Variants in OR2A12 observed in about 807,000 individuals in gnomAD.
OR2A12 encodes olfactory receptor 2A12.
For missense variants in OR2A12, 380 were observed against 372.5 expected, an observed-to-expected ratio of 1.02 and a Z score of -0.17; for synonymous variants, 153 against 149.3, an observed-to-expected ratio of 1.02 and a Z score of -0.18.
chr7:144,098,138 A>G lies in OR2A12; in HGVS notation c.*2098A>G, dbSNP rs965695491. 2 of 152,166 alleles carry G rather than the reference A, an allele frequency of 1.3e-5. No individual in the cohort carries two copies. The highest frequency in any genetic ancestry group is 6.6e-5 in the Admixed American group (1 of 15,264). 9.4% of individuals were successfully genotyped at this position (152,166 alleles called of 1,614,324 possible). A position where few individuals can be genotyped will look rare whatever the true frequency, so the allele number is the denominator to read the frequency against. Reference sequence around the variant, plus strand: ...ACCAGCATATTTCAGAGTCTCATGCATTGTCTTGACTAGGTGACTTTCAAT... The same window carrying G: ...ACCAGCATATTTCAGAGTCTCATGCGTTGTCTTGACTAGGTGACTTTCAAT... On this transcript the variant is annotated 3_prime_UTR_variant, in exon 2 of 2. Coordinates refer to ENST00000641592, the MANE Select transcript of OR2A12 (RefSeq NM_001004135.2).
chr7:144,095,966 C>T lies in OR2A12; in HGVS notation c.859C>T (p.Leu287Phe), dbSNP rs199506071. 1.1e-4 allele frequency: 176 copies of T among 1,613,976 alleles called. 4 individuals carry two copies. The South Asian group carries it at 1.7e-3, about 16-fold the overall frequency. ...CCTTTTCAACCCGATCCTGAACCCC[C>T]TCATCTACAGCCTTAGGAATGCAGA... ...YSLFNPILNP[L>F]IYSLRNAEVK... is the part of the protein sequence containing the mutation. The change falls in exon 2 of 2, where the codon CTC becomes TTC. Residue 287 changes from leucine to phenylalanine, a missense_variant. Transcript: ENST00000641592.
chr7:144,094,425 C>T, intron 1 of OR2A12, among the ~76,000 whole-genome samples: 1 of 152,198 alleles, frequency 6.6e-6, no homozygotes, highest in East Asian at 1.9e-4. Context: ...TACCACATCT[C>T]ACAACAACTT....
intron 1 of OR2A12, among the ~76,000 whole-genome samples, chr7:144,091,233 A>G (rs996223781): frequency 1.3e-5 from 2 of 152,186 alleles, no homozygotes; most frequent in Non-Finnish European, 2.9e-5. Context: ...TCTACTAAAA[A>G]TACAAAAATT....
Position 144,095,433 on chromosome 7 carries a change from CAGAGT to C in OR2A12, c.327_331del (p.Glu110SerfsTer9). ...TTTTTGTATTTGGCGTTTGCTATTA[CAGAGT>C]GTCTGATTTTGGTGATGATGTGCTA... On this transcript the variant is annotated frameshift_variant, in exon 2 of 2. Coordinates refer to ENST00000641592, the MANE Select transcript of OR2A12 (RefSeq NM_001004135.2). LOFTEE classifies it low-confidence loss of function (END_TRUNC). 3.7e-6 allele frequency: 6 copies of C among 1,614,012 alleles called. No individual in the cohort carries two copies. The highest frequency in any genetic ancestry group is 5.1e-6 in the Non-Finnish European group (6 of 1,179,892).
chr7:144,090,315 A>T (rs538923265), intron 1 of OR2A12, among the ~76,000 whole-genome samples: 1 of 151,946 alleles, frequency 6.6e-6, no homozygotes, highest in Non-Finnish European at 1.5e-5. Flanking sequence ...CAAAAAGGTT[A>T]TGAAACAAAA....
intron 1 of OR2A12, among the ~76,000 whole-genome samples, chr7:144,094,002 T>C (rs1166333373): frequency 6.6e-6 from 1 of 152,170 alleles, no homozygotes; most frequent in Non-Finnish European, 1.5e-5. Flanking sequence ...GAGATACTGT[T>C]GTTCTATACA....
At position 144,096,221 on chromosome 7, in the gene OR2A12, G is replaced by A. The variant is rs1012673144; in HGVS notation, c.*181G>A. 1.4e-5 allele frequency: 7 copies of A among 504,318 alleles called. No homozygotes were observed. The highest frequency in any genetic ancestry group is 2.1e-5 in the Non-Finnish European group (6 of 288,264). 31.2% of individuals were successfully genotyped at this position (504,318 alleles called of 1,614,324 possible). On this transcript the variant is annotated 3_prime_UTR_variant, in exon 2 of 2. Coordinates refer to ENST00000641592, the MANE Select transcript of OR2A12 (RefSeq NM_001004135.2). Reference sequence around the variant, plus strand: ...TGTAATCCCAACACTTTGGGAGGCTGACCTGGGCGGATTACCTGAGGTCAG... The same window carrying A: ...TGTAATCCCAACACTTTGGGAGGCTAACCTGGGCGGATTACCTGAGGTCAG...
At chr7:144,088,438 C>T (rs753644099) in intron 1 of OR2A12, among the ~76,000 whole-genome samples, 5 of 152,170 alleles carry the variant, frequency 3.3e-5, no homozygotes, top group Non-Finnish European at 5.9e-5. Context: ...TAAGTTCTTC[C>T]ATTCATTCTT....
Position 144,096,092 on chromosome 7 carries a change from G to A in OR2A12, c.*52G>A. On this transcript the variant is annotated 3_prime_UTR_variant, in exon 2 of 2. Transcript: ENST00000641592. ...GTAAGCATGGTTCTCATGACCCTGG[G>A]TCCTGAAATTTCCTTTTTAATTCTT... 1 of 1,341,146 alleles carries A rather than the reference G, an allele frequency of 7.5e-7. No individual in the cohort carries two copies. The highest frequency in any genetic ancestry group is 1.0e-6 in the Non-Finnish European group (1 of 972,932). The allele number at this position is 1,341,146 out of a possible 1,614,324, so 83.1% of individuals were successfully genotyped here.
rs767398932 is a variant in OR2A12, at chr7:144,095,087, A to G, written c.-21A>G. The G allele has an allele frequency of 1.4e-4, 217 of 1,545,178 alleles. No individual in the cohort carries two copies. Among genetic ancestry groups the G allele is most frequent in the Non-Finnish European group, 5.6e-5 (64 of 1,139,594 alleles). On this transcript the variant is annotated 5_prime_UTR_variant, in exon 2 of 2. Transcript: ENST00000641592. Reference sequence around the variant, plus strand: ...AAATTTCTGTCTTAAGTACATCACAAGATTTTTCTGTCACGAGAACATGGA... The same window carrying G: ...AAATTTCTGTCTTAAGTACATCACAGGATTTTTCTGTCACGAGAACATGGA...
intron 1 of OR2A12, among the ~76,000 whole-genome samples, chr7:144,089,410 G>A (rs1407565517): frequency 6.6e-6 from 1 of 151,894 alleles, no homozygotes; most frequent in Non-Finnish European, 1.5e-5. Context: ...GGGTTTAGGT[G>A]TGGCACATAA....
chr7:144,088,137 G>A (rs1036530254), intron 1 of OR2A12, among the ~76,000 whole-genome samples: 3 of 152,044 alleles, frequency 2.0e-5, no homozygotes, highest in South Asian at 2.1e-4. Context: ...TCAGCCTCCC[G>A]AATAGCTGGG....
At chr7:144,092,399 C>A (rs189847729) in intron 1 of OR2A12, among the ~76,000 whole-genome samples, 1 of 151,882 alleles carries the variant, frequency 6.6e-6, no homozygotes, top group Non-Finnish European at 1.5e-5. Context: ...AGAATATCAT[C>A]GGTAGTTTGA....
chr7:144,087,969 G>A (rs2051198701), intron 1 of OR2A12, among the ~76,000 whole-genome samples: 1 of 152,184 alleles, frequency 6.6e-6, no homozygotes, highest in South Asian at 2.1e-4. Context: ...AAAAACACCA[G>A]TGCCAACTTT....
chr7:144,095,207 T>A lies in OR2A12; in HGVS notation c.100T>A (p.Tyr34Asn). ...LFLFGFFLLF[Y>N]SLTLMGNGII... is the part of the protein sequence containing the mutation. ...CCTCTTTGGGTTTTTCTTGCTATTCTACAGCTTAACCCTGATGGGAAATGG... is the reference window on the plus strand; with the variant it reads ...CCTCTTTGGGTTTTTCTTGCTATTCAACAGCTTAACCCTGATGGGAAATGG... The change falls in exon 2 of 2, where the codon TAC becomes AAC. Residue 34 changes from tyrosine (Y) to asparagine (N), a missense_variant. Coordinates refer to ENST00000641592, the MANE Select transcript of OR2A12 (RefSeq NM_001004135.2). The A allele has an allele frequency of 6.2e-7, 1 of 1,614,006 alleles. No homozygotes were observed. The highest frequency in any genetic ancestry group is 8.5e-7 in the Non-Finnish European group (1 of 1,179,902).
intron 1 of OR2A12, 128 bp from the exon 2 acceptor site, chr7:144,094,929 C>T (rs1295138720): frequency 9.9e-6 from 5 of 506,120 alleles, no homozygotes; most frequent in Non-Finnish European, 1.7e-5. Flanking sequence ...TTAAATATCT[C>T]TAAAAGCCAA....
intron 1 of OR2A12, 103 bp from the exon 2 acceptor site, chr7:144,094,954 A>T (rs2051250666): frequency 7.5e-6 from 4 of 536,772 alleles, no homozygotes; most frequent in Admixed American, 3.5e-5. Context: ...GTAAGTCAAC[A>T]TCATAGGACT....
At chr7:144,087,420 C>A (rs917162066) in intron 1 of OR2A12, among the ~76,000 whole-genome samples, 1 of 152,116 alleles carries the variant, frequency 6.6e-6, no homozygotes. Flanking sequence ...TTATGGAAAC[C>A]CTTTATCAGA....
At chr7:144,087,168 C>A (rs1480798372) in intron 1 of OR2A12, among the ~76,000 whole-genome samples, 3 of 152,156 alleles carry the variant, frequency 2.0e-5, no homozygotes. Context: ...TTCTTCATTT[C>A]TTCTACCGAG....
Sources: gnomAD v4.1 joint callset for allele counts (sites outside exome capture counted in the v4.1 genomes callset) on GRCh38, gnomAD v4.1.1 for gene constraint, MANE v1.5 for transcripts, NCBI Gene and HGNC (gene_info 2026-07-23, HGNC 2026-07-21) for gene names.